PTPRB: variants seen among roughly 807,000 people sequenced by gnomAD.
The protein encoded by PTPRB is protein tyrosine phosphatase receptor type B, also known as receptor-type tyrosine-protein phosphatase beta.
PTPRB carries 97 observed loss-of-function variants against 238.1 expected under a neutral mutation model. The ratio of observed to expected loss-of-function variants is 0.41; its 90% CI spans 0.35 to 0.48. The LOEUF (loss-of-function observed/expected upper bound fraction) is 0.48. Among genes scored for constraint, PTPRB ranks in the 20% least tolerant of loss-of-function variants. The pLI, the probability that PTPRB is intolerant of heterozygous loss-of-function variation, is 0.30. For synonymous variants in PTPRB, 970 were observed against 995.4 expected (o/e 0.97, Z 0.48); for missense variants, 2,292 against 2,681.9 (o/e 0.85, Z 3.21).
intron 12 of PTPRB, 129 bp from the exon 13 acceptor site, chr12:70,571,418 C>G: frequency 2.1e-6 from 2 of 934,078 alleles, no homozygotes; most frequent in Non-Finnish European, 3.1e-6. Flanking sequence ...AGCACTACTT[C>G]ATGCATAATT....
At chr12:70,552,483 C>CAG (rs762963173) in intron 21 of PTPRB, among the ~76,000 whole-genome samples, 1 of 122,342 alleles carries the variant, frequency 8.2e-6, no homozygotes, top group Non-Finnish European at 1.6e-5. Context: ...GACTCTGTCT[C>CAG]AAAAAAAAAA....
intron 3 of PTPRB, among the ~76,000 whole-genome samples, chr12:70,613,028 A>C (rs776894093): frequency 5.9e-5 from 9 of 152,194 alleles, no homozygotes; most frequent in Non-Finnish European, 1.2e-4. Context: ...TAAAAGTATG[A>C]ATCTTGTCAC....
chr12:70,524,481 C>A lies in PTPRB; in HGVS notation c.6615G>T (p.Glu2205Asp). ...LFPIYENVNP[E>D]YHRDPVYSRH ...GAAGTAAGTGCCCACCTCTGTGATA[C>A]TCTGGATTCACATTTTCATAGATTG... The change falls in exon 33 of 34, where the codon GAG (glutamate) becomes GAT (aspartate). Residue 2205 changes from glutamate (E) to aspartate (D), a missense_variant. By Grantham distance (45) the Glu-to-Asp change is conservative. This residue lies in a region of PTPRB where 397 missense variants were observed against 502.0 expected (regional missense o/e 0.79). Transcript: ENST00000334414. 6.2e-7 allele frequency: 1 copy of A among 1,609,586 alleles called. No homozygotes were observed. The highest frequency in any genetic ancestry group is 1.1e-5 in the South Asian group (1 of 90,150).
intron 2 of PTPRB, among the ~76,000 whole-genome samples, chr12:70,624,604 T>C (rs936908879): frequency 1.3e-5 from 2 of 152,222 alleles, no homozygotes; most frequent in African/African-American, 4.8e-5. Flanking sequence ...AAGTAGACGT[T>C]TGTCTATTGT....
At chr12:70,590,732 T>C (rs1882408398) in intron 7 of PTPRB, among the ~76,000 whole-genome samples, 1 of 151,856 alleles carries the variant, frequency 6.6e-6, no homozygotes, top group Admixed American at 6.6e-5. Context: ...GACTACTTTC[T>C]GAAGCCATCC....
At position 70,576,662 on chromosome 12, in the gene PTPRB, TGGGGGGCGG is replaced by T. The variant is rs373821153; in HGVS notation, c.2579-26_2579-18del. 3 of 15,294 alleles carry T rather than the reference TGGGGGGCGG, an allele frequency of 2.0e-4. 1 individual carries two copies. Among genetic ancestry groups the T allele is most frequent in the African/African-American group, 9.7e-4 (3 of 3,086 alleles). The allele number at this position is 15,294 out of a possible 1,614,324, so 0.9% of individuals were successfully genotyped here. Reference sequence around the variant, plus strand: ...TGGAAGGGACTGTGATTTTGAAAGGTGGGGGGCGGGGGGGGGGGGGAAGGGGGATTCAAA... The same window carrying T: ...TGGAAGGGACTGTGATTTTGAAAGGTGGGGGGGGGGGAAGGGGGATTCAAA... On this transcript the variant is annotated intron_variant, in intron 10 of 33. Coordinates refer to ENST00000334414, the MANE Select transcript of PTPRB (RefSeq NM_001109754.4).
intron 9 of PTPRB, among the ~76,000 whole-genome samples, chr12:70,582,479 A>T (rs1469660059): frequency 6.6e-6 from 1 of 152,196 alleles, no homozygotes. Context: ...AGAAACATAG[A>T]TTGATAGAAC....
intron 22 of PTPRB, among the ~76,000 whole-genome samples, chr12:70,543,706 G>A (rs1366311820): frequency 6.6e-6 from 1 of 152,224 alleles, no homozygotes; most frequent in Non-Finnish European, 1.5e-5. Flanking sequence ...AGACGATGGT[G>A]TTGGGAGGGA....
At chr12:70,627,322 G>T (rs898656970) in intron 2 of PTPRB, among the ~76,000 whole-genome samples, 8 of 152,146 alleles carry the variant, frequency 5.3e-5, no homozygotes, top group African/African-American at 1.4e-4. Flanking sequence ...GAAAGGGGGT[G>T]AATAACTTGG....
In PTPRB at chr12:70,576,349, C is replaced by T. The variant is rs915148916; in HGVS notation, c.2842+33G>A. The T allele has an allele frequency of 3.1e-6, 5 of 1,600,436 alleles. No individual in the cohort carries two copies. The African/African-American group carries it at 6.7e-5, about 21-fold the overall frequency. ...GCCCTGAGCCACATGTGAATTGGTTCTTACGGAGCCCTGAACCTTCATACA... is the reference window on the plus strand; with the variant it reads ...GCCCTGAGCCACATGTGAATTGGTTTTTACGGAGCCCTGAACCTTCATACA... On this transcript the variant is annotated intron_variant, in intron 11 of 33. Transcript: ENST00000334414.
chr12:70,617,060 C>A (rs1006142514), intron 3 of PTPRB, among the ~76,000 whole-genome samples: 2 of 152,166 alleles, frequency 1.3e-5, no homozygotes, highest in East Asian at 3.9e-4. Flanking sequence ...ATAAATGGAC[C>A]TGCACAGTTC....
rs1421759280 is a variant in PTPRB at position 70,518,584 on chromosome 12, G to A, written c.*2905C>T. ...TATTCAAGTAGGAGGAGTGGGGCAA[G>A]TAATAAAACAGAGGGACTCAGAGGT... is the stretch of plus-strand genomic sequence containing the variant. On this transcript the variant is annotated 3_prime_UTR_variant, in exon 34 of 34. Transcript: ENST00000334414. 6.6e-6 allele frequency: 1 copy of A among 152,124 alleles called. No individual in the cohort carries two copies. Among genetic ancestry groups the A allele is most frequent in the African/African-American group, 2.4e-5 (1 of 41,422 alleles). 9.4% of individuals were successfully genotyped at this position (152,124 alleles called of 1,614,324 possible). A position where few individuals can be genotyped will look rare whatever the true frequency, so the allele number is the denominator to read the frequency against.
intron 26 of PTPRB, chr12:70,539,288 G>A: frequency 1.9e-6 from 1 of 540,276 alleles, no homozygotes; most frequent in Non-Finnish European, 3.3e-6. Flanking sequence ...AAAGCTACGT[G>A]CTTTTTGCGA....
intron 2 of PTPRB, among the ~76,000 whole-genome samples, chr12:70,627,779 G>A (rs1032849538): frequency 2.0e-5 from 3 of 152,094 alleles, no homozygotes; most frequent in African/African-American, 7.2e-5. Context: ...TTGTTACAAT[G>A]ATGCAAGAAG....
At chr12:70,541,905 CTG>C (rs1565919341) in intron 22 of PTPRB, 3 of 73,840 alleles carry the variant, frequency 4.1e-5, no homozygotes, top group Non-Finnish European at 1.2e-4. Context: ...ATGAATAATG[CTG>C]CTATGAACAT....
intron 3 of PTPRB, among the ~76,000 whole-genome samples, chr12:70,613,809 A>G (rs753337474): frequency 6.6e-6 from 1 of 152,194 alleles, no homozygotes; most frequent in Admixed American, 6.5e-5. Context: ...ATATTGTTAC[A>G]TGAATAAATA....
chr12:70,566,360 C>T, intron 15 of PTPRB, 75 bp downstream of exon 15: 1 of 1,517,502 alleles, frequency 6.6e-7, no homozygotes, highest in Middle Eastern at 1.8e-4. Flanking sequence ...TGCTTCATCC[C>T]TCTCACCCTG....
intron 15 of PTPRB, among the ~76,000 whole-genome samples, chr12:70,564,592 G>A (rs938693732): frequency 4.0e-5 from 6 of 151,884 alleles, no homozygotes; most frequent in African/African-American, 1.5e-4. Flanking sequence ...AACACTTTGG[G>A]AGGTTGAGGC....
At chr12:70,563,600 T>C (rs56350963) in intron 15 of PTPRB, among the ~76,000 whole-genome samples, 8,943 of 152,260 alleles carry the variant, frequency 0.059, 785 homozygotes, top group African/African-American at 0.19. Context: ...ATTTATGGAT[T>C]TAACTAGCAT....
Sources: gnomAD v4.1 joint callset for allele counts (sites outside exome capture counted in the v4.1 genomes callset) on GRCh38, gnomAD v4.1.1 for gene constraint, gnomAD v4.1.1 regional missense constraint, MANE v1.5 for transcripts, NCBI Gene and HGNC (gene_info 2026-07-23, HGNC 2026-07-21) for gene names.